PDSS2: variants seen among roughly 807,000 people sequenced by gnomAD.
PDSS2 encodes decaprenyl diphosphate synthase subunit 2, also known as all trans-polyprenyl-diphosphate synthase PDSS2.
Under a neutral mutation model 44.5 loss-of-function variants are expected in PDSS2, and 31 were observed. The observed-to-expected ratio is 0.70, with a 90% CI of 0.52 to 0.94. The LOEUF (loss-of-function observed/expected upper bound fraction) is 0.94, where lower values mean the gene tolerates loss of function less well. PDSS2 is among the 40% of genes least tolerant of loss of function. The probability of loss-of-function intolerance (pLI) is 0.00; values close to 1 mark genes in which losing one functional copy is unlikely to be tolerated. For synonymous variants in PDSS2, 157 were observed against 180.3 expected (o/e 0.87, Z 1.03); for missense variants, 452 against 482.2 (o/e 0.94, Z 0.59).
chr6:107,269,634 G>A (rs1216806389), intron 3 of PDSS2, among the ~76,000 whole-genome samples: 6 of 152,024 alleles, frequency 3.9e-5, no homozygotes, highest in African/African-American at 1.2e-4. Flanking sequence ...GATGTTGAAC[G>A]AAATGCTGCC....
At chr6:107,341,039 T>C (rs1778063442) in intron 1 of PDSS2, among the ~76,000 whole-genome samples, 1 of 152,206 alleles carries the variant, frequency 6.6e-6, no homozygotes. Flanking sequence ...AGACTAAAAC[T>C]GTTACTCTGA....
rs1396136326 is a variant in PDSS2 at position 107,207,991 on chromosome 6, T to TTTTTTTG, written c.1008+2447_1008+2448insCAAAAAA. Among the ~76,000 whole-genome samples, 34 of 145,596 alleles carry TTTTTTTG rather than the reference T, an allele frequency of 2.3e-4. 1 individual carries two copies. Among genetic ancestry groups the TTTTTTTG allele is most frequent in the East Asian group, 1.0e-3 (5 of 5,010 alleles). On this transcript the variant is annotated intron_variant, in intron 6 of 7. Coordinates refer to ENST00000369037, the MANE Select transcript of PDSS2 (RefSeq NM_020381.4). ...TGTCTATGACTTGTTTTTTTTTTTT[T>TTTTTTTG]TTTTTTTTTTATGAAACAGAGTTTC...
intron 2 of PDSS2, among the ~76,000 whole-genome samples, chr6:107,283,230 G>A (rs998929059): frequency 6.6e-6 from 1 of 151,928 alleles, no homozygotes; most frequent in Non-Finnish European, 1.5e-5. Flanking sequence ...GGAGGCTGAG[G>A]CAGGAGGGTT....
At chr6:107,227,278 C>CTT (rs60988844) in intron 4 of PDSS2, among the ~76,000 whole-genome samples, 4,787 of 101,790 alleles carry the variant, frequency 0.047, 792 homozygotes, top group African/African-American at 0.093. Flanking sequence ...CCACTGTGCC[C>CTT]TTTTTTTTTT....
chr6:107,236,513 G>T (rs1387624772), intron 4 of PDSS2, among the ~76,000 whole-genome samples: 17 of 151,190 alleles, frequency 1.1e-4, no homozygotes, highest in Admixed American at 1.1e-3. Context: ...TGTCTTATAA[G>T]CAAGGTTAAA....
chr6:107,428,788 G>C (rs911150595), intron 1 of PDSS2, among the ~76,000 whole-genome samples: 4 of 152,152 alleles, frequency 2.6e-5, no homozygotes, highest in African/African-American at 9.7e-5. Flanking sequence ...TGTGAGCTGT[G>C]ACTACGCTAC....
In PDSS2 at chr6:107,288,407, G is replaced by A. The variant is rs149195965; in HGVS notation, c.432-14180C>T. Among the ~76,000 whole-genome samples, 1,371 of 152,284 alleles carry A rather than the reference G, an allele frequency of 9.0e-3. 11 individuals are homozygous for A. The highest frequency in any genetic ancestry group is 0.014 in the Non-Finnish European group (947 of 68,026). On this transcript the variant is annotated intron_variant, in intron 2 of 7. Transcript: ENST00000369037. ...GCCCTCAAGTCTTTGTTATATGAAT[G>A]AATGAATGAGGAGCACAAGTTGATT... is the stretch of plus-strand genomic sequence containing the variant.
At chr6:107,400,737 A>G (rs532820635) in intron 1 of PDSS2, among the ~76,000 whole-genome samples, 1 of 152,050 alleles carries the variant, frequency 6.6e-6, no homozygotes, top group Non-Finnish European at 1.5e-5. Context: ...GTGTTGCTCC[A>G]GGGGCTTGAA....
At chr6:107,457,788 A>T (rs534096663) in intron 1 of PDSS2, among the ~76,000 whole-genome samples, 57 of 152,358 alleles carry the variant, frequency 3.7e-4, no homozygotes, top group African/African-American at 1.4e-3. Context: ...GAACATTATT[A>T]GGCCAATTAA....
intron 1 of PDSS2, among the ~76,000 whole-genome samples, chr6:107,385,596 T>C (rs1031527512): frequency 9.2e-5 from 14 of 152,240 alleles, no homozygotes; most frequent in Non-Finnish European, 1.9e-4. Context: ...TTATTTACTA[T>C]GTTGGACTGC....
chr6:107,264,240 G>A, intron 3 of PDSS2: 1 of 1,268,694 alleles, frequency 7.9e-7, no homozygotes, highest in Non-Finnish European at 1.0e-6. Context: ...AGATTTATAT[G>A]CATAAATTGA....
At chr6:107,354,975 C>T (rs531293910) in intron 1 of PDSS2, among the ~76,000 whole-genome samples, 2 of 151,986 alleles carry the variant, frequency 1.3e-5, no homozygotes, top group South Asian at 4.2e-4. Flanking sequence ...TGTCACCAGG[C>T]TGGATGGAGT....
intron 4 of PDSS2, among the ~76,000 whole-genome samples, chr6:107,222,152 T>C (rs1773628496): frequency 6.6e-6 from 1 of 152,108 alleles, no homozygotes; most frequent in South Asian, 2.1e-4. Context: ...TTTGAGAAAC[T>C]GGACAGCCAA....
At chr6:107,348,821 G>T (rs1261364459) in intron 1 of PDSS2, among the ~76,000 whole-genome samples, 1 of 152,096 alleles carries the variant, frequency 6.6e-6, no homozygotes, top group Non-Finnish European at 1.5e-5. Flanking sequence ...ACATAATAGC[G>T]AATATCTATT....
intron 1 of PDSS2, among the ~76,000 whole-genome samples, chr6:107,359,841 G>C (rs1334377945): frequency 6.6e-6 from 1 of 152,046 alleles, no homozygotes; most frequent in Non-Finnish European, 1.5e-5. Flanking sequence ...GAGGAGAGAT[G>C]GGGATCTTTC....
intron 7 of PDSS2, among the ~76,000 whole-genome samples, chr6:107,163,600 C>CTT (rs1174942612): frequency 1.4e-5 from 2 of 145,106 alleles, no homozygotes; most frequent in Admixed American, 6.9e-5. Flanking sequence ...TGATCTTGTT[C>CTT]TTTTTTTTTT....
intron 1 of PDSS2, among the ~76,000 whole-genome samples, chr6:107,394,350 C>G (rs918716774): frequency 6.6e-6 from 1 of 152,170 alleles, no homozygotes. Context: ...ATAACACCAG[C>G]ATCTGCTTCT....
chr6:107,268,376 T>G, intron 3 of PDSS2, among the ~76,000 whole-genome samples: 1 of 152,262 alleles, frequency 6.6e-6, no homozygotes, highest in Admixed American at 6.5e-5. Flanking sequence ...AACAAACAGC[T>G]GATTTTATTA....
chr6:107,409,650 A>G (rs954839955), intron 1 of PDSS2, among the ~76,000 whole-genome samples: 2 of 152,168 alleles, frequency 1.3e-5, no homozygotes, highest in African/African-American at 2.4e-5. Flanking sequence ...ACTACAACCA[A>G]AACAATATAC....
Sources: allele counts gnomAD v4.1 joint callset (sites outside exome capture counted in the v4.1 genomes callset), GRCh38; gene constraint gnomAD v4.1.1; transcripts MANE v1.5; gene names NCBI Gene and HGNC (gene_info 2026-07-23, HGNC 2026-07-21).